The following CHL1 variants were observed in gnomAD, a reference collection of about 807,000 sequenced individuals.
CHL1 encodes the protein neural cell adhesion molecule L1-like protein.
Under a neutral mutation model 141.9 loss-of-function variants are expected in CHL1, and 96 were observed. The observed-to-expected ratio is 0.68, with a 90% CI of 0.57 to 0.80. The LOEUF is 0.80. Among genes scored for constraint, CHL1 ranks in the 30% least tolerant of loss-of-function variants. The probability of loss-of-function intolerance (pLI) is 0.00; values close to 1 mark genes in which losing one functional copy is unlikely to be tolerated. For synonymous variants in CHL1, 613 were observed against 502.2 expected (o/e 1.22, Z -2.95); for missense variants, 1,820 against 1,457.2 (o/e 1.25, Z -4.05).
chr3:269,167 A>C (rs957549672), intron 2 of CHL1, among the ~76,000 whole-genome samples: 1 of 152,216 alleles, frequency 6.6e-6, no homozygotes, highest in Non-Finnish European at 1.5e-5. Flanking sequence ...GTGCACAAAA[A>C]GTTTTGGAGG....
chr3:392,454 G>A (rs553371690), intron 23 of CHL1, among the ~76,000 whole-genome samples: 1 of 152,328 alleles, frequency 6.6e-6, no homozygotes, highest in East Asian at 1.9e-4. Context: ...GCTGCTGTGC[G>A]ACTAGAGTAA....
At chr3:313,066 G>T (rs1425993451) in intron 2 of CHL1, among the ~76,000 whole-genome samples, 1 of 151,728 alleles carries the variant, frequency 6.6e-6, no homozygotes, top group African/African-American at 2.4e-5. Context: ...AACGTAGCAT[G>T]CTTTTTTTTC....
At chr3:202,888 T>C (rs754158427) in intron 1 of CHL1, among the ~76,000 whole-genome samples, 2 of 152,252 alleles carry the variant, frequency 1.3e-5, no homozygotes, top group African/African-American at 2.4e-5. Flanking sequence ...GTAATTATCC[T>C]GATTTGCAGA....
At chr3:332,877 A>G (rs920677432) in intron 5 of CHL1, among the ~76,000 whole-genome samples, 5 of 152,104 alleles carry the variant, frequency 3.3e-5, no homozygotes, top group African/African-American at 1.2e-4. Flanking sequence ...CCTAACCTAA[A>G]TTCTAGGGGT....
chr3:252,811 A>G (rs1311162210), intron 2 of CHL1, among the ~76,000 whole-genome samples: 1 of 152,036 alleles, frequency 6.6e-6, no homozygotes, highest in Non-Finnish European at 1.5e-5. Flanking sequence ...GTTTCTTATA[A>G]TATTTCCCAT....
At chr3:199,545 A>G (rs568857306) in intron 1 of CHL1, among the ~76,000 whole-genome samples, 18 of 152,334 alleles carry the variant, frequency 1.2e-4, no homozygotes, top group Admixed American at 5.9e-4. Flanking sequence ...TGCACATACT[A>G]TACTTATTGC....
chr3:343,929 A>T (rs1038296730), intron 8 of CHL1, among the ~76,000 whole-genome samples: 1 of 152,256 alleles, frequency 6.6e-6, no homozygotes, highest in Non-Finnish European at 1.5e-5. Flanking sequence ...GTCTACTGCT[A>T]AAGTCCCTTT....
rs774028851 is a variant in CHL1, at chr3:405,564, T to A, written c.3528T>A (p.Ser1176Arg). 1 of 1,613,562 alleles carries A rather than the reference T, an allele frequency of 6.2e-7. No homozygotes were observed. The highest frequency in any genetic ancestry group is 2.2e-5 in the East Asian group (1 of 44,870). ...SLNRDMQPTE[S>R]ADSLVEYGEG... Reference sequence around the variant, plus strand: ...ATAGGGATATGCAGCCTACTGAAAGTGCTGACAGCTTAGTCGAATACGGAG... The same window carrying A: ...ATAGGGATATGCAGCCTACTGAAAGAGCTGACAGCTTAGTCGAATACGGAG... The change falls in exon 28 of 28, where the codon AGT becomes AGA. Residue 1176 changes from serine (S) to arginine (R), a missense_variant. Coordinates refer to ENST00000256509, the MANE Select transcript of CHL1 (RefSeq NM_006614.4).
intron 2 of CHL1, among the ~76,000 whole-genome samples, chr3:282,450 G>T (rs1378299023): frequency 6.6e-6 from 1 of 152,050 alleles, no homozygotes; most frequent in African/African-American, 2.4e-5. Flanking sequence ...TTATTTATTT[G>T]TATAGATTGA....
chr3:223,075 T>A (rs1426382783), intron 1 of CHL1, among the ~76,000 whole-genome samples: 1 of 152,216 alleles, frequency 6.6e-6, no homozygotes, highest in East Asian at 1.9e-4. Flanking sequence ...TGAATCACCT[T>A]ACATTTGCAA....
Position 382,547 on chromosome 3 carries a change from G to A in CHL1, c.2052G>A (p.Lys684=). Residue 684 remains lysine, a synonymous_variant, in exon 18 of 28, where the codon AAG becomes AAA. Transcript: ENST00000256509. ...AGGAACTGACCAGAGTCCAAGGAAAGAAAACCACAGTTATCTTACCTTTGG... is the reference window on the plus strand; with the variant it reads ...AGGAACTGACCAGAGTCCAAGGAAAAAAAACCACAGTTATCTTACCTTTGG... ...RWEELTRVQG[K]KTTVILPLAP... The A allele has an allele frequency of 6.2e-7, 1 of 1,613,928 alleles. No individual in the cohort carries two copies. Among genetic ancestry groups the A allele is most frequent in the East Asian group, 2.2e-5 (1 of 44,874 alleles).
At chr3:344,749 G>T (rs769168480) in intron 9 of CHL1, 40 bp downstream of exon 9, 2 of 1,597,906 alleles carry the variant, frequency 1.3e-6, no homozygotes, top group South Asian at 1.1e-5. Flanking sequence ...TGTCCATCCA[G>T]TTCTGTAAAG....
At chr3:245,062 G>A (rs1281697384) in intron 2 of CHL1, among the ~76,000 whole-genome samples, 1 of 152,140 alleles carries the variant, frequency 6.6e-6, no homozygotes, top group Non-Finnish European at 1.5e-5. Flanking sequence ...TTCTAAGGAG[G>A]CTTGAAGTTT....
intron 1 of CHL1, among the ~76,000 whole-genome samples, chr3:216,682 G>T (rs1263038073): frequency 1.3e-5 from 2 of 152,192 alleles, no homozygotes; most frequent in Non-Finnish European, 2.9e-5. Flanking sequence ...TCTTCTGTAG[G>T]CATATGATGC....
intron 2 of CHL1, among the ~76,000 whole-genome samples, chr3:266,996 A>G (rs1034685679): frequency 2.6e-5 from 4 of 152,192 alleles, no homozygotes; most frequent in African/African-American, 7.2e-5. Flanking sequence ...CAGCACCTCC[A>G]TAACATTTAC....
At chr3:319,341 A>G (rs1020575603) in intron 2 of CHL1, among the ~76,000 whole-genome samples, 9 of 151,782 alleles carry the variant, frequency 5.9e-5, no homozygotes, top group Admixed American at 3.3e-4. Context: ...TACCTATGTA[A>G]CAAACCTGCA....
At chr3:390,520 C>A (rs765400116) in intron 20 of CHL1, among the ~76,000 whole-genome samples, 181 bp from the exon 21 acceptor site, 24 of 152,172 alleles carry the variant, frequency 1.6e-4, no homozygotes, top group Non-Finnish European at 5.9e-5. Flanking sequence ...CTGTCCTCTT[C>A]TTTGGGAAAT....
intron 11 of CHL1, among the ~76,000 whole-genome samples, chr3:355,016 T>C (rs1219038964): frequency 6.6e-6 from 1 of 152,180 alleles, no homozygotes; most frequent in African/African-American, 2.4e-5. Context: ...AATAAAGATT[T>C]TTAATTTTTA....
At chr3:382,781 A>G (rs529321664) in intron 18 of CHL1, 110 bp downstream of exon 18, 1 of 946,020 alleles carries the variant, frequency 1.1e-6, no homozygotes, top group African/African-American at 1.6e-5. Context: ...GATTTCTCCA[A>G]ATAGTGTTAA....
Sources: allele counts gnomAD v4.1 joint callset (sites outside exome capture counted in the v4.1 genomes callset), GRCh38; gene constraint gnomAD v4.1.1; transcripts MANE v1.5; gene names NCBI Gene and HGNC (gene_info 2026-07-23, HGNC 2026-07-21).